The following LRRC7 variants were observed in gnomAD, a reference collection of about 807,000 sequenced individuals.
LRRC7 encodes the protein leucine rich repeat containing 7.
A neutral mutation model predicts 175.7 loss-of-function variants in LRRC7; 23 were observed. The observed-to-expected ratio is 0.13, with a 90% CI of 0.09 to 0.19. LRRC7 has a LOEUF of 0.19. Among genes scored for constraint, LRRC7 ranks in the 10% least tolerant of loss-of-function variants. The pLI is 1.00. For missense variants in LRRC7, 1,354 were observed against 1,904.7 expected, an observed-to-expected ratio of 0.71 and a Z score of 5.38; for synonymous variants, 685 against 680.9, an observed-to-expected ratio of 1.01 and a Z score of -0.09.
chr1:70,072,578 A>ACTGCTGCTGCTGCTGCTGCTGCTGCTG (rs6143270), intron 23 of LRRC7, among the ~76,000 whole-genome samples: 2 of 150,608 alleles, frequency 1.3e-5, no homozygotes, highest in Admixed American at 1.3e-4. Flanking sequence ...GAGACAAAAA[A>ACTGCTGCTGCTGCTGCTGCTGCTGCTG]CTGCTGCTGC....
chr1:70,013,061 C>A lies in LRRC7; in HGVS notation c.1222C>A (p.Leu408Ile). Reference protein sequence around the residue: ...LPEEIGQMQKLRVLNLSDNRL... With the variant: ...LPEEIGQMQKIRVLNLSDNRL... Reference sequence around the variant, plus strand: ...TGAAGAGATTGGACAGATGCAGAAACTAAGAGTCCTAAATTTGAGTGACAA... The same window carrying A: ...TGAAGAGATTGGACAGATGCAGAAAATAAGAGTCCTAAATTTGAGTGACAA... Residue 408 changes from leucine (L) to isoleucine (I), a missense_variant, in exon 13 of 27, where the codon CTA (leucine) becomes ATA (isoleucine). By Grantham distance (5) the Leu-to-Ile change is conservative. Transcript: ENST00000651989. 6.3e-7 allele frequency: 1 copy of A among 1,582,690 alleles called. No individual in the cohort carries two copies. Among genetic ancestry groups the A allele is most frequent in the South Asian group, 1.2e-5 (1 of 86,884 alleles).
chr1:69,747,357 T>G (rs1669367397), intron 2 of LRRC7, among the ~76,000 whole-genome samples: 1 of 152,246 alleles, frequency 6.6e-6, no homozygotes, highest in African/African-American at 2.4e-5. Context: ...GCATGGGACA[T>G]AAGGTGCCTG....
intron 1 of LRRC7, among the ~76,000 whole-genome samples, chr1:69,653,562 A>G (rs538905241): frequency 6.6e-6 from 1 of 152,256 alleles, no homozygotes; most frequent in South Asian, 2.1e-4. Context: ...TAGGAATGTA[A>G]AATGTGCAGC....
intron 10 of LRRC7, among the ~76,000 whole-genome samples, chr1:69,989,273 G>C (rs1299250952): frequency 1.3e-5 from 2 of 152,088 alleles, no homozygotes; most frequent in Non-Finnish European, 2.9e-5. Context: ...AGGAATAAAT[G>C]ATAAGTATTT....
chr1:69,892,721 G>A (rs1449680221), intron 7 of LRRC7, among the ~76,000 whole-genome samples: 1 of 152,160 alleles, frequency 6.6e-6, no homozygotes, highest in Non-Finnish European at 1.5e-5. Context: ...TAACAACTGA[G>A]TGAGGTATGT....
intron 1 of LRRC7, among the ~76,000 whole-genome samples, chr1:69,586,529 C>T (rs1481649940): frequency 2.0e-5 from 3 of 151,886 alleles, no homozygotes; most frequent in Non-Finnish European, 4.4e-5. Flanking sequence ...AGCAGGGACT[C>T]GCCAGCAGCT....
chr1:69,660,825 G>A (rs1053014923), intron 1 of LRRC7, among the ~76,000 whole-genome samples: 1 of 152,080 alleles, frequency 6.6e-6, no homozygotes, highest in Non-Finnish European at 1.5e-5. Flanking sequence ...TGGAGGCAGT[G>A]CAGTGACACA....
chr1:69,720,815 GTTTAAATATT>G (rs946919552), intron 2 of LRRC7, among the ~76,000 whole-genome samples: 57 of 151,644 alleles, frequency 3.8e-4, no homozygotes, highest in African/African-American at 1.4e-3. Flanking sequence ...TTTAAATAAT[GTTTAAATATT>G]TTTAAATATT....
At chr1:69,675,061 T>C (rs1381660514) in intron 1 of LRRC7, among the ~76,000 whole-genome samples, 1 of 152,188 alleles carries the variant, frequency 6.6e-6, no homozygotes, top group Non-Finnish European at 1.5e-5. Context: ...TGAGTAACTT[T>C]ACCTAAAATC....
intron 8 of LRRC7, among the ~76,000 whole-genome samples, chr1:69,944,972 GTTGA>G (rs1649151863): frequency 6.6e-6 from 1 of 151,932 alleles, no homozygotes; most frequent in African/African-American, 2.4e-5. Flanking sequence ...TCTTCACTCT[GTTGA>G]TTGTTTCCTT....
intron 7 of LRRC7, among the ~76,000 whole-genome samples, chr1:69,893,269 G>T (rs1366982293): frequency 6.6e-6 from 1 of 152,100 alleles, no homozygotes; most frequent in Non-Finnish European, 1.5e-5. Context: ...AATCAAGGTG[G>T]TTTCTTTTGC....
intron 18 of LRRC7, among the ~76,000 whole-genome samples, chr1:70,028,954 C>T (rs192482503): frequency 1.3e-5 from 2 of 152,256 alleles, no homozygotes; most frequent in African/African-American, 4.8e-5. Context: ...AATTCAACTA[C>T]ACTTATGCCA....
chr1:69,806,971 A>G (rs1677190433), intron 4 of LRRC7, among the ~76,000 whole-genome samples: 1 of 151,884 alleles, frequency 6.6e-6, no homozygotes, highest in South Asian at 2.1e-4. Flanking sequence ...TTGCATATAA[A>G]AAGTACACCT....
intron 11 of LRRC7, among the ~76,000 whole-genome samples, chr1:70,011,144 C>A (rs1013478669): frequency 2.6e-5 from 4 of 152,072 alleles, no homozygotes; most frequent in African/African-American, 7.2e-5. Context: ...TGAAATGAGC[C>A]CTGTCCATAG....
At chr1:70,041,491 G>A (rs183977978) in intron 21 of LRRC7, among the ~76,000 whole-genome samples, 17 of 152,284 alleles carry the variant, frequency 1.1e-4, no homozygotes, top group Middle Eastern at 3.4e-3. Flanking sequence ...ACACCTGGTC[G>A]GTTGTCACCA....
In LRRC7 at chr1:69,792,114, T is replaced by C. The variant is rs772588175; in HGVS notation, c.375T>C (p.Thr125=). 8.7e-6 allele frequency: 14 copies of C among 1,610,318 alleles called. No homozygotes were observed. The Admixed American group carries it at 1.3e-4, about 15-fold the overall frequency. Reference sequence around the variant, plus strand: ...ACGACCTTTCAAATCTGCCAACCACTATTGCTAGTTTAGTTAATCTTAAAG... The same window carrying C: ...ACGACCTTTCAAATCTGCCAACCACCATTGCTAGTTTAGTTAATCTTAAAG... The part of the protein sequence containing the change: ...PDNDLSNLPT[T]IASLVNLKEL... The change falls in exon 4 of 27, where the codon ACT becomes ACC. Residue 125 remains threonine (T), a synonymous_variant. Transcript: ENST00000651989.
intron 2 of LRRC7, among the ~76,000 whole-genome samples, chr1:69,701,727 T>A (rs544568124): frequency 6.6e-6 from 1 of 152,330 alleles, no homozygotes; most frequent in South Asian, 2.1e-4. Context: ...AAGGAATGCA[T>A]TCTAGCCTCT....
chr1:69,814,423 A>G (rs1347168218), intron 4 of LRRC7, among the ~76,000 whole-genome samples: 1 of 152,146 alleles, frequency 6.6e-6, no homozygotes, highest in Non-Finnish European at 1.5e-5. Context: ...TCTTATTCAT[A>G]CTATAATTTT....
chr1:70,028,322 A>G lies in LRRC7; in HGVS notation c.1946A>G (p.Glu649Gly). 1 of 1,613,710 alleles carries G rather than the reference A, an allele frequency of 6.2e-7. No individual in the cohort carries two copies. The change falls in exon 18 of 27, where the codon GAA (glutamate) becomes GGA (glycine). Residue 649 changes from glutamate to glycine, a missense_variant. By Grantham distance (98) the Glu-to-Gly change is moderately conservative (BLOSUM62 -2). Transcript: ENST00000651989. ...GCTAACACGGAGCAAACTGTGAAAG[A>G]AAAATATGAACACAAGTGGCCGGTA... Reference protein sequence around the residue: ...PTANTEQTVKEKYEHKWPVAP... With the variant: ...PTANTEQTVKGKYEHKWPVAP...
Sources: gnomAD v4.1 joint callset for allele counts (sites outside exome capture counted in the v4.1 genomes callset) on GRCh38, gnomAD v4.1.1 for gene constraint, MANE v1.5 for transcripts, NCBI Gene and HGNC (gene_info 2026-07-23, HGNC 2026-07-21) for gene names.